The following TMEM156 variants were observed in gnomAD, a reference collection of about 807,000 sequenced individuals.
The protein encoded by TMEM156 is transmembrane protein 156.
Under a neutral mutation model 30.5 loss-of-function variants are expected in TMEM156, and 28 were observed. The observed-to-expected ratio is 0.92, with a 90% confidence interval of 0.68 to 1.26. The LOEUF (loss-of-function observed/expected upper bound fraction) is 1.26. Ranked by LOEUF, TMEM156 falls within the 50% of genes most tolerant of loss-of-function variation. The pLI, the probability that TMEM156 is intolerant of heterozygous loss-of-function variation, is 0.00. For missense variants in TMEM156, 351 were observed against 340.6 expected (o/e 1.03, Z -0.24); for synonymous variants, 137 against 119.9 (o/e 1.14, Z -0.93).
intron 1 of TMEM156, among the ~76,000 whole-genome samples, chr4:39,001,659 A>G (rs62294554): frequency 0.11 from 16,696 of 150,726 alleles, 997 homozygotes; most frequent in East Asian, 0.2. Context: ...TAACCAAAAC[A>G]GCATGGTACT....
At chr4:38,988,189 C>A (rs966071632) in intron 4 of TMEM156, among the ~76,000 whole-genome samples, 9 of 152,142 alleles carry the variant, frequency 5.9e-5, no homozygotes, top group African/African-American at 2.2e-4. Flanking sequence ...GCCTCACACC[C>A]GTCACCTACA....
intron 1 of TMEM156, among the ~76,000 whole-genome samples, chr4:39,016,882 T>C (rs1714522753): frequency 6.6e-6 from 1 of 152,154 alleles, no homozygotes; most frequent in African/African-American, 2.4e-5. Flanking sequence ...GTAATGGACT[T>C]AAGTTCCACA....
chr4:38,980,254 G>A (rs893561128), intron 5 of TMEM156, among the ~76,000 whole-genome samples: 3 of 150,446 alleles, frequency 2.0e-5, no homozygotes, highest in Non-Finnish European at 4.4e-5. Context: ...TCAGTTTCTG[G>A]TTAATTCACA....
intron 1 of TMEM156, among the ~76,000 whole-genome samples, chr4:39,019,161 G>T (rs1190138466): frequency 6.6e-6 from 1 of 151,684 alleles, no homozygotes; most frequent in African/African-American, 2.4e-5. Flanking sequence ...AAATTTCTTA[G>T]CCATTGTCTC....
intron 1 of TMEM156, among the ~76,000 whole-genome samples, chr4:39,018,056 T>C (rs1299209402): frequency 2.0e-5 from 3 of 152,208 alleles, no homozygotes; most frequent in African/African-American, 7.2e-5. Context: ...CCATGCTTTC[T>C]ATTGTTTCTT....
intron 1 of TMEM156, among the ~76,000 whole-genome samples, chr4:39,022,753 A>G (rs1714953927): frequency 6.6e-6 from 1 of 152,214 alleles, no homozygotes; most frequent in South Asian, 2.1e-4. Context: ...TAGGCACACC[A>G]GAGGCTACTC....
rs190082029 is a variant in TMEM156, at chr4:39,025,617, G to A, written c.88+6609C>T. The stretch of plus-strand genomic sequence containing the variant: ...TGCTGGAGGCAGGGAGCAAAGTTTG[G>A]GATAACTTTCGACATACCATAGCAA... On this transcript the variant is annotated intron_variant, in intron 1 of 6. Coordinates refer to ENST00000381938, the MANE Select transcript of TMEM156 (RefSeq NM_024943.3). Among the ~76,000 whole-genome samples the A allele has an allele frequency of 5.8e-4, 88 of 152,218 alleles. No homozygotes were observed. The East Asian group carries it at 0.014, about 25-fold the overall frequency.
At chr4:38,994,483 AGT>A (rs1187529739) in intron 2 of TMEM156, among the ~76,000 whole-genome samples, 1 of 152,190 alleles carries the variant, frequency 6.6e-6, no homozygotes, top group African/African-American at 2.4e-5. Context: ...AGGTTGTGGT[AGT>A]GTTGGAATAG....
chr4:39,010,679 A>G (rs1345881510), intron 1 of TMEM156, among the ~76,000 whole-genome samples: 1 of 152,206 alleles, frequency 6.6e-6, no homozygotes, highest in African/African-American at 2.4e-5. Context: ...AGGATACTCT[A>G]TTCAATAAAT....
chr4:38,988,116 A>C (rs1712132814), intron 4 of TMEM156, among the ~76,000 whole-genome samples: 1 of 152,044 alleles, frequency 6.6e-6, no homozygotes, highest in Admixed American at 6.5e-5. Flanking sequence ...CCTAATTTCT[A>C]ATTTCCTTTA....
In TMEM156 at chr4:38,986,807, C is replaced by CAA. The variant is rs59087758; in HGVS notation, c.740-390_740-389dup. On this transcript the variant is annotated intron_variant, in intron 4 of 6. Coordinates refer to ENST00000381938, the MANE Select transcript of TMEM156 (RefSeq NM_024943.3). ...TGGACGAAAGAGTGAGACTCCATCT[C>CAA]AAAAAAAAAAAAAAAAAAAAAAAAA... Among the ~76,000 whole-genome samples the CAA allele has an allele frequency of 1.4e-3, 34 of 23,738 alleles. 7 individuals are homozygous for CAA. Among genetic ancestry groups the CAA allele is most frequent in the East Asian group, 4.3e-3 (4 of 922 alleles). The allele number at this position is 23,738 out of a possible 152,430, so 15.6% of individuals were successfully genotyped here.
intron 2 of TMEM156, among the ~76,000 whole-genome samples, chr4:38,996,797 T>C (rs1712967079): frequency 6.6e-6 from 1 of 152,194 alleles, no homozygotes; most frequent in Non-Finnish European, 1.5e-5. Context: ...ACAATCTGCA[T>C]TCTCTTGTTC....
chr4:39,021,788 C>G (rs186835858), intron 1 of TMEM156, among the ~76,000 whole-genome samples: 18 of 152,264 alleles, frequency 1.2e-4, no homozygotes, highest in Non-Finnish European at 2.4e-4. Context: ...AGTCTTTAAT[C>G]CATTTTGAAT....
At position 39,007,117 on chromosome 4, in the gene TMEM156, C is replaced by T. The variant is rs930102217; in HGVS notation, c.89-8208G>A. Among the ~76,000 whole-genome samples the T allele has an allele frequency of 9.9e-5, 15 of 152,214 alleles. No individual in the cohort carries two copies. In the South Asian group the frequency reaches 2.1e-3, roughly 21 times the overall value. On this transcript the variant is annotated intron_variant, in intron 1 of 6. Coordinates refer to ENST00000381938, the MANE Select transcript of TMEM156 (RefSeq NM_024943.3). Reference sequence around the variant, plus strand: ...TATAAAGTTTCCAGGTACATATAAGCGTGTTTCCGGGTTCTCAATTTTGTT... The same window carrying T: ...TATAAAGTTTCCAGGTACATATAAGTGTGTTTCCGGGTTCTCAATTTTGTT...
intron 2 of TMEM156, among the ~76,000 whole-genome samples, chr4:38,994,604 T>C (rs1007532542): frequency 2.6e-5 from 4 of 152,282 alleles, no homozygotes; most frequent in African/African-American, 9.6e-5. Context: ...CACACTGTAC[T>C]AGTTTTTTAG....
chr4:38,972,342 C>T (rs1029951348), intron 5 of TMEM156, among the ~76,000 whole-genome samples: 3 of 148,530 alleles, frequency 2.0e-5, no homozygotes, highest in Non-Finnish European at 4.4e-5. Context: ...CAACCTCCGC[C>T]TCCTGGGTTC....
intron 1 of TMEM156, among the ~76,000 whole-genome samples, chr4:39,026,974 C>A (rs1715237407): frequency 6.6e-6 from 1 of 152,070 alleles, no homozygotes; most frequent in East Asian, 1.9e-4. Flanking sequence ...CAAAATCTTA[C>A]CACAAAGTAC....
At chr4:38,975,086 C>T (rs1047969697) in intron 5 of TMEM156, among the ~76,000 whole-genome samples, 4 of 152,110 alleles carry the variant, frequency 2.6e-5, no homozygotes, top group African/African-American at 9.7e-5. Context: ...AAAATCACCA[C>T]TAAAGTTAGA....
intron 4 of TMEM156, among the ~76,000 whole-genome samples, chr4:38,986,967 G>A (rs17583467): frequency 0.24 from 36,543 of 150,028 alleles, 4,885 homozygotes; most frequent in East Asian, 0.42. Flanking sequence ...AATGTGCTAA[G>A]TAGTGTGACA....
Sources: allele counts gnomAD v4.1 joint callset (sites outside exome capture counted in the v4.1 genomes callset), GRCh38; gene constraint gnomAD v4.1.1; transcripts MANE v1.5; gene names NCBI Gene and HGNC (gene_info 2026-07-23, HGNC 2026-07-21).